EDN1: variants seen among roughly 807,000 people sequenced by gnomAD.
EDN1 encodes the protein endothelin-1.
A neutral mutation model predicts 21.7 loss-of-function variants in EDN1; 11 were observed. The ratio of observed to expected loss-of-function variants is 0.51; its 90% CI spans 0.32 to 0.84. EDN1 has a LOEUF of 0.84. EDN1 is among the 40% of genes least tolerant of loss of function. EDN1 has a pLI of 0.03. For missense variants in EDN1, 244 were observed against 262.3 expected, an observed-to-expected ratio of 0.93 and a Z score of 0.48; for synonymous variants, 85 against 90.6, an observed-to-expected ratio of 0.94 and a Z score of 0.35.
the EDN1 span, among the ~76,000 whole-genome samples, chr6:12,255,079 C>T: frequency 2.0e-5 from 3 of 152,112 alleles, no homozygotes; most frequent in Admixed American, 6.5e-5. Flanking sequence ...TGGGATAAAA[C>T]AAGATGAAAG....
At chr6:12,251,481 G>T in the EDN1 span, among the ~76,000 whole-genome samples, 1 of 152,178 alleles carries the variant, frequency 6.6e-6, no homozygotes, top group Admixed American at 6.5e-5. Flanking sequence ...TCTAAAATGA[G>T]CACACTCTTA....
chr6:12,287,234 G>C (rs1762570792), upstream of EDN1, among the ~76,000 whole-genome samples: 1 of 150,720 alleles, frequency 6.6e-6, no homozygotes, highest in Non-Finnish European at 1.5e-5. Flanking sequence ...TTCCCTTTCT[G>C]AGAGTGACTG....
the EDN1 span, among the ~76,000 whole-genome samples, chr6:12,261,251 G>A: frequency 6.6e-6 from 1 of 152,128 alleles, no homozygotes; most frequent in Non-Finnish European, 1.5e-5. Flanking sequence ...ATCTTCAAGC[G>A]ACTAAAACTG....
the EDN1 span, among the ~76,000 whole-genome samples, chr6:12,259,903 A>G: frequency 1.3e-5 from 2 of 152,002 alleles, no homozygotes; most frequent in Non-Finnish European, 2.9e-5. Context: ...TTATATAGGT[A>G]TTTATTAAAT....
At chr6:12,287,755 G>GGC (rs1279596516), upstream of EDN1, among the ~76,000 whole-genome samples, 1,110 of 27,492 alleles carry the variant, frequency 0.04, 19 homozygotes, top group African/African-American at 0.12. Flanking sequence ...CACACACACA[G>GGC]GCGCGCGCGC....
At chr6:12,259,617 T>C in the EDN1 span, among the ~76,000 whole-genome samples, 9 of 151,788 alleles carry the variant, frequency 5.9e-5, no homozygotes, top group Non-Finnish European at 8.8e-5. Context: ...ATCAAAGTGA[T>C]GGAAAGAAAA....
chr6:12,239,253 T>C, the EDN1 span, among the ~76,000 whole-genome samples: 1 of 152,240 alleles, frequency 6.6e-6, no homozygotes, highest in African/African-American at 2.4e-5. Flanking sequence ...ATAGTAATTG[T>C]CTGTCTCCAT....
At chr6:12,287,708 TCTCTCACACACACA>T (rs1346518793), upstream of EDN1, among the ~76,000 whole-genome samples, 6 of 76,176 alleles carry the variant, frequency 7.9e-5, no homozygotes, top group Non-Finnish European at 8.6e-5. Context: ...TCTCTCTCTC[TCTCTCACACACACA>T]CACACACACA....
At chr6:12,293,169 A>C (rs1211522575) in intron 2 of EDN1, among the ~76,000 whole-genome samples, 3 of 152,222 alleles carry the variant, frequency 2.0e-5, no homozygotes, top group African/African-American at 7.2e-5. Flanking sequence ...CATCTGTCGG[A>C]AGCAGTCATA....
chr6:12,250,725 A>G, the EDN1 span, among the ~76,000 whole-genome samples: 1 of 152,248 alleles, frequency 6.6e-6, no homozygotes, highest in East Asian at 1.9e-4. Context: ...CCATAAAAAT[A>G]CACTTTTAAG....
chr6:12,292,025 G>A (rs1039685994), intron 1 of EDN1, among the ~76,000 whole-genome samples: 1 of 152,188 alleles, frequency 6.6e-6, no homozygotes, highest in African/African-American at 2.4e-5. Context: ...TTTTCAACAG[G>A]CAGCATTCCA....
At chr6:12,276,814 T>G in the EDN1 span, among the ~76,000 whole-genome samples, 40 of 152,252 alleles carry the variant, frequency 2.6e-4, no homozygotes, top group Non-Finnish European at 5.4e-4. Context: ...AGGGCCATTT[T>G]GAAGAGTTCA....
At chr6:12,239,651 C>G in the EDN1 span, among the ~76,000 whole-genome samples, 2 of 152,106 alleles carry the variant, frequency 1.3e-5, no homozygotes, top group Admixed American at 1.3e-4. Context: ...ACTCGCACCT[C>G]TAATCCCAGC....
chr6:12,255,352 A>C, the EDN1 span, among the ~76,000 whole-genome samples: 1 of 152,230 alleles, frequency 6.6e-6, no homozygotes, highest in African/African-American at 2.4e-5. Context: ...AAAAAGAAAA[A>C]AATTATAAAG....
At chr6:12,252,624 G>T in the EDN1 span, among the ~76,000 whole-genome samples, 1 of 152,168 alleles carries the variant, frequency 6.6e-6, no homozygotes, top group Non-Finnish European at 1.5e-5. Context: ...CTGCAGGAAC[G>T]CAAGGTGGGG....
the EDN1 span, among the ~76,000 whole-genome samples, chr6:12,236,880 G>T: frequency 6.6e-6 from 1 of 151,638 alleles, no homozygotes; most frequent in Non-Finnish European, 1.5e-5. Context: ...CAACGTGCAG[G>T]TTTGTTACAT....
the EDN1 span, among the ~76,000 whole-genome samples, chr6:12,254,709 T>A: frequency 6.6e-6 from 1 of 152,284 alleles, no homozygotes; most frequent in South Asian, 2.1e-4. Flanking sequence ...TGTATTTCTT[T>A]GAAAGAAAAC....
the EDN1 span, among the ~76,000 whole-genome samples, chr6:12,268,010 T>G: frequency 6.6e-6 from 1 of 152,206 alleles, no homozygotes; most frequent in African/African-American, 2.4e-5. Context: ...ACAGCATTAT[T>G]TACTGAATAT....
chr6:12,245,780 G>A, the EDN1 span, among the ~76,000 whole-genome samples: 10 of 152,326 alleles, frequency 6.6e-5, no homozygotes, highest in Middle Eastern at 6.8e-3. Context: ...AGTGAGTGGG[G>A]TGATTATTTG....
Sources: allele counts gnomAD v4.1 joint callset (sites outside exome capture counted in the v4.1 genomes callset), GRCh38; gene constraint gnomAD v4.1.1; transcripts MANE v1.5; gene names NCBI Gene and HGNC (gene_info 2026-07-23, HGNC 2026-07-21).